Variants in CNTNAP2 observed in about 807,000 individuals in gnomAD.
The protein encoded by CNTNAP2 is contactin associated protein 2.
CNTNAP2 carries 98 observed loss-of-function variants against 155.2 expected under a neutral mutation model. The observed-to-expected ratio is 0.63, with a 90% CI of 0.54 to 0.75. CNTNAP2 has a LOEUF of 0.75. Among genes scored for constraint, CNTNAP2 ranks in the 30% least tolerant of loss-of-function variants. CNTNAP2 has a pLI of 0.00. For synonymous variants in CNTNAP2, 651 were observed against 631.2 expected (o/e 1.03, Z -0.47); for missense variants, 1,727 against 1,688.1 (o/e 1.02, Z -0.40).
chr7:148,281,729 C>G (rs1453469213), intron 21 of CNTNAP2, among the ~76,000 whole-genome samples: 1 of 151,718 alleles, frequency 6.6e-6, no homozygotes, highest in African/African-American at 2.4e-5. Context: ...ATAGGAGGCC[C>G]TAAGAAATAA....
intron 21 of CNTNAP2, among the ~76,000 whole-genome samples, chr7:148,320,226 A>T (rs1260348392): frequency 2.0e-5 from 3 of 152,142 alleles, no homozygotes; most frequent in African/African-American, 7.2e-5. Flanking sequence ...AGGAGGCTAT[A>T]GTCAGATCTT....
At chr7:147,983,017 CAAA>C (rs35946958) in intron 15 of CNTNAP2, among the ~76,000 whole-genome samples, 3 of 80,870 alleles carry the variant, frequency 3.7e-5, no homozygotes, top group East Asian at 3.1e-4. Context: ...GACTCCACCT[CAAA>C]AAAAAAAAAA....
chr7:147,407,066 C>G (rs116581992), intron 10 of CNTNAP2, among the ~76,000 whole-genome samples: 2,150 of 152,268 alleles, frequency 0.014, 25 homozygotes, highest in African/African-American at 0.031. Flanking sequence ...AAGACCCCCC[C>G]CTCTGGGAAA....
intron 9 of CNTNAP2, among the ~76,000 whole-genome samples, chr7:147,376,901 T>C (rs546000270): frequency 7.2e-5 from 11 of 152,098 alleles, no homozygotes; most frequent in African/African-American, 2.6e-4. Context: ...TATATGATTG[T>C]AACCATACTA....
intron 1 of CNTNAP2, among the ~76,000 whole-genome samples, chr7:146,594,836 A>G (rs1477157841): frequency 6.6e-6 from 1 of 152,118 alleles, no homozygotes; most frequent in Non-Finnish European, 1.5e-5. Context: ...TATTAAAAAT[A>G]CCAATTTGTA....
At chr7:147,823,801 G>A (rs115095027) in intron 13 of CNTNAP2, among the ~76,000 whole-genome samples, 1 of 151,776 alleles carries the variant, frequency 6.6e-6, no homozygotes, top group Non-Finnish European at 1.5e-5. Context: ...GGCATAGCTG[G>A]TACTCTCACA....
At chr7:146,464,988 A>G (rs1282870459) in intron 1 of CNTNAP2, among the ~76,000 whole-genome samples, 2 of 151,952 alleles carry the variant, frequency 1.3e-5, no homozygotes, top group African/African-American at 4.8e-5. Flanking sequence ...CCATTTCTGA[A>G]CCTAGTCTGG....
chr7:147,169,813 A>G (rs563595606), intron 8 of CNTNAP2, among the ~76,000 whole-genome samples: 207 of 152,208 alleles, frequency 1.4e-3, no homozygotes, highest in Non-Finnish European at 2.1e-3. Flanking sequence ...TAAAATTTCT[A>G]TTTTGCCTTT....
rs547249684 is a variant in CNTNAP2 at position 147,037,769 on chromosome 7, G to A, written c.403-6138G>A. Among the ~76,000 whole-genome samples, 15 of 152,168 alleles carry A rather than the reference G, an allele frequency of 9.9e-5. No individual in the cohort carries two copies. In the South Asian group the frequency reaches 1.7e-3, roughly 17 times the overall value. ...AAACAATACAGACTATACTAGAACCGTTTAAATAATAGATATATACATGTT... is the reference window on the plus strand; with the variant it reads ...AAACAATACAGACTATACTAGAACCATTTAAATAATAGATATATACATGTT... On this transcript the variant is annotated intron_variant, in intron 3 of 23. Transcript: ENST00000361727.
intron 21 of CNTNAP2, among the ~76,000 whole-genome samples, chr7:148,322,640 C>T (rs1797813939): frequency 6.6e-6 from 1 of 152,124 alleles, no homozygotes; most frequent in South Asian, 2.1e-4. Context: ...AATATGTTTA[C>T]ATCTAACATT....
chr7:146,256,637 T>C (rs1002257207), intron 1 of CNTNAP2, among the ~76,000 whole-genome samples: 1 of 151,860 alleles, frequency 6.6e-6, no homozygotes, highest in Admixed American at 6.6e-5. Context: ...CAATTAAAAA[T>C]ATAAGAAAAT....
At chr7:146,153,205 T>A (rs904858658) in intron 1 of CNTNAP2, among the ~76,000 whole-genome samples, 3 of 152,160 alleles carry the variant, frequency 2.0e-5, no homozygotes, top group South Asian at 2.1e-4. Context: ...GACAAAATTT[T>A]AAAAATCTAT....
chr7:147,771,059 G>A (rs1485341568), intron 13 of CNTNAP2, among the ~76,000 whole-genome samples: 2 of 152,176 alleles, frequency 1.3e-5, no homozygotes, highest in African/African-American at 2.4e-5. Context: ...ATTTATAAAT[G>A]CTAGATTTAT....
intron 18 of CNTNAP2, among the ~76,000 whole-genome samples, chr7:148,179,518 G>GGAGAGAGGGA (rs1307574296): frequency 1.3e-5 from 2 of 148,170 alleles, no homozygotes; most frequent in African/African-American, 5.1e-5. Flanking sequence ...AAAGACAGAG[G>GGAGAGAGGGA]GAGAGAGGGA....
Position 146,165,888 on chromosome 7 carries a change from G to T in CNTNAP2, c.97+48915G>T, listed in dbSNP as rs115333880. On this transcript the variant is annotated intron_variant, in intron 1 of 23. Coordinates refer to ENST00000361727, the MANE Select transcript of CNTNAP2 (RefSeq NM_014141.6). Reference sequence around the variant, plus strand: ...ATAGTTCCCAACATGTATTTTAATGGTATATCAACCCTTCTTTTCCTTGCA... The same window carrying T: ...ATAGTTCCCAACATGTATTTTAATGTTATATCAACCCTTCTTTTCCTTGCA... Among the ~76,000 whole-genome samples, 1,360 of 152,122 alleles carry T rather than the reference G, an allele frequency of 8.9e-3. 16 individuals carry two copies. The highest frequency in any genetic ancestry group is 0.029 in the African/African-American group (1,218 of 41,510).
intron 15 of CNTNAP2, among the ~76,000 whole-genome samples, chr7:148,087,108 T>G (rs1485411973): frequency 6.6e-6 from 1 of 152,294 alleles, no homozygotes; most frequent in East Asian, 1.9e-4. Context: ...TCAGAACACG[T>G]GCCCGAACTA....
chr7:147,626,239 A>G (rs759840182), intron 12 of CNTNAP2, among the ~76,000 whole-genome samples: 4 of 152,024 alleles, frequency 2.6e-5, no homozygotes, highest in Non-Finnish European at 5.9e-5. Context: ...GCAGATGCAA[A>G]GGAGCAAGGG....
chr7:147,689,256 T>A (rs138845715), intron 13 of CNTNAP2, among the ~76,000 whole-genome samples: 2,466 of 151,984 alleles, frequency 0.016, 222 homozygotes, highest in Admixed American at 0.15. Context: ...TTCAAGTGAT[T>A]TTCCTGTGCC....
intron 1 of CNTNAP2, among the ~76,000 whole-genome samples, chr7:146,338,448 A>T (rs1801316675): frequency 6.6e-6 from 1 of 152,178 alleles, no homozygotes; most frequent in African/African-American, 2.4e-5. Flanking sequence ...ATATAAAGTT[A>T]TATGGAGTCC....
Sources: gnomAD v4.1 joint callset for allele counts (sites outside exome capture counted in the v4.1 genomes callset) on GRCh38, gnomAD v4.1.1 for gene constraint, MANE v1.5 for transcripts, NCBI Gene and HGNC (gene_info 2026-07-23, HGNC 2026-07-21) for gene names.